Variants in DNAH8 observed in about 807,000 individuals in gnomAD.
DNAH8 encodes the protein dynein axonemal heavy chain 8, also known as axonemal beta dynein heavy chain 8.
In DNAH8, 382 loss-of-function variants were observed where a neutral mutation model predicts 562.1. The observed-to-expected ratio is 0.68, with a 90% CI of 0.63 to 0.74. The LOEUF is 0.74. Among genes scored for constraint, DNAH8 ranks in the 30% least tolerant of loss-of-function variants. The pLI is 0.00. For synonymous variants in DNAH8, 1,881 were observed against 1,919.4 expected (o/e 0.98, Z 0.52); for missense variants, 5,203 against 5,620.4 (o/e 0.93, Z 2.37).
chr6:38,895,210 A>G (rs1207814692), intron 59 of DNAH8, among the ~76,000 whole-genome samples: 1 of 152,128 alleles, frequency 6.6e-6, no homozygotes, highest in Non-Finnish European at 1.5e-5. Context: ...AAGTGCTGGG[A>G]TTACAGGCAT....
chr6:38,800,876 A>T (rs1770723410), intron 21 of DNAH8, among the ~76,000 whole-genome samples: 1 of 152,112 alleles, frequency 6.6e-6, no homozygotes, highest in African/African-American at 2.4e-5. Context: ...TATTCAGATC[A>T]TTTGCTCATT....
intron 11 of DNAH8, among the ~76,000 whole-genome samples, chr6:38,766,671 T>G (rs1767032245): frequency 6.6e-6 from 1 of 151,980 alleles, no homozygotes. Flanking sequence ...GCTAAGAAAG[T>G]AGGTCACACC....
In DNAH8 at chr6:38,973,662, G is replaced by A; in HGVS notation, c.12527G>A (p.Gly4176Asp). The A allele has an allele frequency of 6.3e-7, 1 of 1,588,610 alleles. No homozygotes were observed. Among genetic ancestry groups the A allele is most frequent in the South Asian group, 1.2e-5 (1 of 86,204 alleles). ...ATATGAACTTATTTTTGGATACAGGGTGGTTGGGTATTACTACAAAATTGC... is the reference window on the plus strand; with the variant it reads ...ATATGAACTTATTTTTGGATACAGGATGGTTGGGTATTACTACAAAATTGC... Reference protein sequence around the residue: ...RKLIQMSMQQGGWVLLQNCHL... With the variant: ...RKLIQMSMQQDGWVLLQNCHL... The change falls in exon 84 of 93, where the codon GGT becomes GAT. Residue 4176 changes from glycine to aspartate, a missense_variant and splice_region_variant. Physicochemically the swap from Gly to Asp is moderately conservative, Grantham distance 94. Around this residue, in one of 6 missense-constraint regions of DNAH8, gnomAD observed 1,399 missense variants for 1,518.4 expected, o/e 0.92. Coordinates refer to ENST00000327475, the MANE Select transcript of DNAH8 (RefSeq NM_001206927.2).
At chr6:39,011,101 T>C (rs1306002888) in intron 89 of DNAH8, among the ~76,000 whole-genome samples, 1 of 152,150 alleles carries the variant, frequency 6.6e-6, no homozygotes, top group Non-Finnish European at 1.5e-5. Flanking sequence ...ATATCTGTGC[T>C]CAGTGTTATA....
At chr6:38,897,637 G>C (rs1469318846) in intron 60 of DNAH8, among the ~76,000 whole-genome samples, 6 of 152,026 alleles carry the variant, frequency 3.9e-5, no homozygotes, top group Admixed American at 3.9e-4. Context: ...ATATAGAGCC[G>C]GGCGAGGTGG....
At chr6:38,812,307 A>G (rs1190415879) in intron 24 of DNAH8, among the ~76,000 whole-genome samples, 1 of 152,084 alleles carries the variant, frequency 6.6e-6, no homozygotes, top group Non-Finnish European at 1.5e-5. Flanking sequence ...TTTATCTCCC[A>G]TCCATGATTG....
rs1267374710 is a variant in DNAH8 at position 38,984,268 on chromosome 6, A to G, written c.13014A>G (p.Thr4338=). ...IGEVQYGGRV[T]DDFDKRLLNC... ...AAGTACAATATGGAGGCAGAGTGAC[A>G]GATGACTTTGACAAACGTCTACTTA... The change falls in exon 87 of 93, where the codon ACA becomes ACG. Residue 4338 remains threonine (T), a synonymous_variant. Transcript: ENST00000327475. 2.5e-6 allele frequency: 4 copies of G among 1,611,424 alleles called. No individual in the cohort carries two copies. The highest frequency in any genetic ancestry group is 1.3e-5 in the African/African-American group (1 of 75,024).
In DNAH8 at chr6:38,717,978, G is replaced by A. The variant is rs903023322; in HGVS notation, c.-35+2563G>A. 2.6e-5 allele frequency among the ~76,000 whole-genome samples: 4 copies of A among 152,130 alleles called. 1 individual carries two copies. The South Asian group carries it at 8.3e-4, about 31-fold the overall frequency. The stretch of plus-strand genomic sequence containing the variant: ...TATACACACTTTAAAAATTTTATGC[G>A]AGTGGTGTTATTATGCAATGTGTCT... On this transcript the variant is annotated intron_variant, in intron 1 of 92. Transcript: ENST00000327475.
intron 66 of DNAH8, among the ~76,000 whole-genome samples, chr6:38,912,825 T>C (rs766300955): frequency 1.3e-5 from 2 of 152,164 alleles, no homozygotes; most frequent in Non-Finnish European, 2.9e-5. Flanking sequence ...TTTCTTTTTC[T>C]TTGAGACAGA....
intron 24 of DNAH8, among the ~76,000 whole-genome samples, chr6:38,809,064 A>G (rs1226429307): frequency 1.3e-5 from 2 of 151,978 alleles, no homozygotes; most frequent in Non-Finnish European, 2.9e-5. Flanking sequence ...TGTTCTGCAC[A>G]TGTACCCCAG....
chr6:38,856,842 T>C (rs1776243423), intron 41 of DNAH8, among the ~76,000 whole-genome samples: 2 of 152,262 alleles, frequency 1.3e-5, no homozygotes, highest in South Asian at 4.2e-4. Flanking sequence ...TCTGGATGAA[T>C]GAGAGCTCCT....
At chr6:38,731,347 C>A (rs1763645439) in intron 4 of DNAH8, among the ~76,000 whole-genome samples, 1 of 152,174 alleles carries the variant, frequency 6.6e-6, no homozygotes, top group Non-Finnish European at 1.5e-5. Context: ...AAAATGGGAT[C>A]CAATTCTACA....
chr6:38,820,210 G>A (rs1170826594), intron 26 of DNAH8, among the ~76,000 whole-genome samples: 15 of 152,186 alleles, frequency 9.9e-5, no homozygotes, highest in Non-Finnish European at 7.4e-5. Flanking sequence ...AATGAGGACC[G>A]TCTTTTAGTG....
At chr6:38,814,282 T>C (rs1772053785) in intron 25 of DNAH8, among the ~76,000 whole-genome samples, 153 bp downstream of exon 25, 2 of 152,206 alleles carry the variant, frequency 1.3e-5, no homozygotes, top group Non-Finnish European at 2.9e-5. Flanking sequence ...ATATCTGTTA[T>C]GAAAAAGCTA....
At chr6:38,951,730 CAT>C (rs1316383201) in intron 82 of DNAH8, among the ~76,000 whole-genome samples, 2 of 152,012 alleles carry the variant, frequency 1.3e-5, no homozygotes, top group East Asian at 3.9e-4. Flanking sequence ...GCTCATCTAG[CAT>C]ATAGTGTTTT....
intron 12 of DNAH8, among the ~76,000 whole-genome samples, chr6:38,772,322 C>G (rs1379523818): frequency 6.6e-6 from 1 of 152,080 alleles, no homozygotes; most frequent in Admixed American, 6.6e-5. Context: ...GCCACCACGC[C>G]CAGCTGAGGT....
rs752353072 is a variant in DNAH8, at chr6:38,814,109, C to T, written c.3313C>T (p.His1105Tyr). 18 of 1,569,474 alleles carry T rather than the reference C, an allele frequency of 1.1e-5. No homozygotes were observed. The Admixed American group carries it at 2.9e-4, about 25-fold the overall frequency. ...TATTTCCTTTATAAAAAGTGAAGTA[C>T]ATCTTGCAATTCCTAATGTGGTAAG... is the stretch of plus-strand genomic sequence containing the variant. ...DIISFIKSEV[H>Y]LAIPNVVMIP... Residue 1105 changes from histidine to tyrosine, a missense_variant, in exon 25 of 93, where the codon CAT becomes TAT. Coordinates refer to ENST00000327475, the MANE Select transcript of DNAH8 (RefSeq NM_001206927.2).
At chr6:38,994,769 T>C (rs895824507) in intron 88 of DNAH8, among the ~76,000 whole-genome samples, 22 of 151,494 alleles carry the variant, frequency 1.5e-4, no homozygotes, top group African/African-American at 5.1e-4. Flanking sequence ...CTCAGCCTCC[T>C]GAGTAGATGG....
Position 38,723,139 on chromosome 6 carries a change from C to T in DNAH8, c.330C>T (p.Ser110=), listed in dbSNP as rs1259586388. The T allele has an allele frequency of 1.2e-6, 2 of 1,612,706 alleles. No individual in the cohort carries two copies. Among genetic ancestry groups the T allele is most frequent in the East Asian group, 4.5e-5 (2 of 44,882 alleles). ...VLSLPSSRRS[S]RYRRSMSGLP... ...CCTTGCCGTCTTCCCGGAGGTCCTC[C>T]AGATACCGCCGGAGTATGAGTGGCC... Residue 110 remains serine (S), a synonymous_variant, in exon 2 of 93, where the codon TCC becomes TCT. Coordinates refer to ENST00000327475, the MANE Select transcript of DNAH8 (RefSeq NM_001206927.2).
Sources: gnomAD v4.1 joint callset for allele counts (sites outside exome capture counted in the v4.1 genomes callset) on GRCh38, gnomAD v4.1.1 for gene constraint, gnomAD v4.1.1 regional missense constraint, MANE v1.5 for transcripts, NCBI Gene and HGNC (gene_info 2026-07-23, HGNC 2026-07-21) for gene names.